KALRN: variants seen among roughly 807,000 people sequenced by gnomAD.
KALRN encodes kalirin.
KALRN carries 70 observed loss-of-function variants against 353.7 expected under a neutral mutation model. The observed-to-expected ratio is 0.20, with a 90% CI of 0.16 to 0.24. The LOEUF (loss-of-function observed/expected upper bound fraction) is 0.24, where lower values mean the gene tolerates loss of function less well. KALRN is among the 10% of genes least tolerant of loss of function. KALRN has a pLI of 1.00. For missense variants in KALRN, 2,791 were observed against 3,756.7 expected (o/e 0.74, Z 6.72); for synonymous variants, 1,391 against 1,434.8 (o/e 0.97, Z 0.69).
chr3:124,593,598 C>G (rs567082067), intron 34 of KALRN, among the ~76,000 whole-genome samples: 2 of 152,280 alleles, frequency 1.3e-5, no homozygotes, highest in South Asian at 2.1e-4. Context: ...CTCCCCTAAC[C>G]TGCCTCCTCT....
At chr3:124,571,912 G>A (rs1417907259) in intron 34 of KALRN, among the ~76,000 whole-genome samples, 1 of 151,868 alleles carries the variant, frequency 6.6e-6, no homozygotes, top group Non-Finnish European at 1.5e-5. Flanking sequence ...ACAGGTGTGA[G>A]CCACTGCACC....
chr3:124,362,877 G>T (rs545476614), intron 10 of KALRN, among the ~76,000 whole-genome samples: 1 of 152,120 alleles, frequency 6.6e-6, no homozygotes, highest in Non-Finnish European at 1.5e-5. Flanking sequence ...CCCAAGGTCA[G>T]TTTCATTTGC....
intron 34 of KALRN, among the ~76,000 whole-genome samples, chr3:124,601,205 A>G (rs921634156): frequency 1.3e-5 from 2 of 152,224 alleles, no homozygotes; most frequent in Non-Finnish European, 2.9e-5. Flanking sequence ...TGAAGATTCA[A>G]GTGAAAAAGT....
At chr3:124,364,358 C>T (rs2084398270) in intron 10 of KALRN, among the ~76,000 whole-genome samples, 1 of 152,210 alleles carries the variant, frequency 6.6e-6, no homozygotes, top group African/African-American at 2.4e-5. Flanking sequence ...CCTCATGACC[C>T]TTCCCTGTCT....
intron 33 of KALRN, among the ~76,000 whole-genome samples, chr3:124,516,184 T>G (rs1400048328): frequency 1.3e-5 from 2 of 152,222 alleles, no homozygotes; most frequent in African/African-American, 4.8e-5. Flanking sequence ...TTTCCAAGAT[T>G]TTTAGAATCC....
rs1232184605 is a variant in KALRN, at chr3:124,697,664, C to A, written c.7771C>A (p.Pro2591Thr). The A allele has an allele frequency of 6.2e-7, 1 of 1,606,356 alleles. No individual in the cohort carries two copies. Among genetic ancestry groups the A allele is most frequent in the South Asian group, 1.1e-5 (1 of 89,454 alleles). ...SCTSVILRWL[P>T]PSSTGNCTIS... ...CACCTCCGTGATTCTCCGCTGGCTG[C>A]CCCCCTCCAGCACAGGAAACTGCAC... is the stretch of plus-strand genomic sequence containing the variant. The change falls in exon 55 of 60, where the codon CCC (proline) becomes ACC (threonine). Residue 2591 changes from proline to threonine, a missense_variant. Physicochemically the swap from Pro to Thr is conservative, Grantham distance 38. Transcript: ENST00000682506.
At chr3:124,681,922 A>G (rs897298059) in intron 51 of KALRN, among the ~76,000 whole-genome samples, 5 of 152,070 alleles carry the variant, frequency 3.3e-5, no homozygotes, top group African/African-American at 1.2e-4. Flanking sequence ...GAGCCAATGC[A>G]CCTGGCCTAA....
At chr3:124,664,366 T>C (rs2651623) in intron 45 of KALRN, among the ~76,000 whole-genome samples, 20,556 of 126,442 alleles carry the variant, frequency 0.16, 1,678 homozygotes, top group Middle Eastern at 0.22. Flanking sequence ...TGTGTGTGTG[T>C]GTGTGCGCGC....
chr3:124,410,075 A>C (rs1053543026), intron 13 of KALRN: 2 of 389,198 alleles, frequency 5.1e-6, no homozygotes, highest in Admixed American at 6.7e-5. Context: ...GAGATGAAAG[A>C]ATATAGAAAC....
At chr3:124,464,415 T>C (rs2060134760) in intron 25 of KALRN, among the ~76,000 whole-genome samples, 5 of 152,302 alleles carry the variant, frequency 3.3e-5, no homozygotes, top group African/African-American at 1.2e-4. Flanking sequence ...ATATCACTGG[T>C]AAACCATGGT....
chr3:124,366,901 T>C (rs2084829366), intron 10 of KALRN, among the ~76,000 whole-genome samples: 1 of 111,946 alleles, frequency 8.9e-6, no homozygotes, highest in Non-Finnish European at 1.7e-5. Flanking sequence ...CCCACCTCCC[T>C]CCCGGATGGG....
intron 43 of KALRN, among the ~76,000 whole-genome samples, chr3:124,660,680 C>CA (rs5852424): frequency 0.02 from 1,825 of 93,568 alleles, 49 homozygotes; most frequent in Middle Eastern, 0.026. Context: ...GACTATGTCT[C>CA]AAAAAAAAAA....
At chr3:124,631,617 T>A (rs1018679822) in intron 34 of KALRN, among the ~76,000 whole-genome samples, 1 of 152,202 alleles carries the variant, frequency 6.6e-6, no homozygotes, top group Non-Finnish European at 1.5e-5. Flanking sequence ...ACCCTACTTC[T>A]AAACCACCAA....
intron 31 of KALRN, 52 bp downstream of exon 31, chr3:124,491,476 G>T (rs1311228224): frequency 2.2e-6 from 3 of 1,354,102 alleles, no homozygotes; most frequent in Non-Finnish European, 3.0e-6. Context: ...TAATAGAAGT[G>T]GGGGTGGGCA....
chr3:124,413,749 G>T, intron 14 of KALRN, 84 bp downstream of exon 14: 1 of 1,055,180 alleles, frequency 9.5e-7, no homozygotes, highest in Non-Finnish European at 1.4e-6. Flanking sequence ...GTGCCACATC[G>T]TTTATTCATT....
intron 1 of KALRN, among the ~76,000 whole-genome samples, chr3:124,172,886 A>G (rs1270738602): frequency 1.3e-5 from 2 of 152,120 alleles, no homozygotes; most frequent in Non-Finnish European, 2.9e-5. Flanking sequence ...ATTGGGTCCT[A>G]TTTCCTCATT....
rs112483792 is a variant in KALRN at position 124,114,670 on chromosome 3, G to A, written c.73+80857G>A. 1.8e-4 allele frequency among the ~76,000 whole-genome samples: 28 copies of A among 152,324 alleles called. 1 individual carries two copies. Among genetic ancestry groups the A allele is most frequent in the African/African-American group, 6.5e-4 (27 of 41,576 alleles). On this transcript the variant is annotated intron_variant, in intron 1 of 59. Transcript: ENST00000682506. ...AGAGCAGCAGAGGAAGGACATGGCA[G>A]GTACGGCTGACAATGCTTTGTGAGC...
At position 124,446,828 on chromosome 3, in the gene KALRN, C is replaced by G; in HGVS notation, c.3495C>G (p.Thr1165=). The G allele has an allele frequency of 6.2e-7, 1 of 1,613,744 alleles. No homozygotes were observed. Among genetic ancestry groups the G allele is most frequent in the Non-Finnish European group, 8.5e-7 (1 of 1,179,754 alleles). ...CAACACATACCTCCACTGGAGAGACCACAGAGGAGACTCAGGAACTGCTGA... is the reference window on the plus strand; with the variant it reads ...CAACACATACCTCCACTGGAGAGACGACAGAGGAGACTCAGGAACTGCTGA... The part of the protein sequence containing the change: ...YLSTHTSTGE[T]TEETQELLKE... The change falls in exon 21 of 60, where the codon ACC becomes ACG. Residue 1165 remains threonine, a synonymous_variant. Transcript: ENST00000682506.
chr3:124,434,965 C>T (rs1451688459), intron 17 of KALRN, among the ~76,000 whole-genome samples: 2 of 152,208 alleles, frequency 1.3e-5, no homozygotes, highest in Non-Finnish European at 2.9e-5. Flanking sequence ...CAGACTGGGT[C>T]TAGATCTGTT....
Sources: allele counts gnomAD v4.1 joint callset (sites outside exome capture counted in the v4.1 genomes callset), GRCh38; gene constraint gnomAD v4.1.1; transcripts MANE v1.5; gene names NCBI Gene and HGNC (gene_info 2026-07-23, HGNC 2026-07-21).